The following SH3PXD2A variants were observed in gnomAD, a reference collection of about 807,000 sequenced individuals.
SH3PXD2A encodes the protein SH3 and PX domains 2A, also known as SH3 and PX domain-containing protein 2A.
Under a neutral mutation model 115.2 loss-of-function variants are expected in SH3PXD2A, and 32 were observed. That is an observed-to-expected ratio of 0.28 (90% CI 0.21 to 0.37). The LOEUF (loss-of-function observed/expected upper bound fraction) is 0.37. Ranked by LOEUF, SH3PXD2A falls within the 10% of genes least tolerant of loss-of-function variation. The pLI is 1.00. For synonymous variants in SH3PXD2A, 610 were observed against 629.1 expected (o/e 0.97, Z 0.45); for missense variants, 1,328 against 1,498.7 (o/e 0.89, Z 1.88).
At chr10:103,792,049 G>A (rs1448677410) in intron 2 of SH3PXD2A, among the ~76,000 whole-genome samples, 1 of 152,108 alleles carries the variant, frequency 6.6e-6, no homozygotes, top group Non-Finnish European at 1.5e-5. Flanking sequence ...AAGTTGAAAG[G>A]GGCGCTGGAG....
chr10:103,660,694 AC>A (rs2037282385), intron 8 of SH3PXD2A, among the ~76,000 whole-genome samples: 2 of 152,220 alleles, frequency 1.3e-5, no homozygotes, highest in African/African-American at 4.8e-5. Context: ...CTCCGAGGGC[AC>A]GGGGACCCCA....
intron 5 of SH3PXD2A, among the ~76,000 whole-genome samples, chr10:103,719,359 T>C (rs2038149657): frequency 6.6e-6 from 1 of 152,202 alleles, no homozygotes; most frequent in African/African-American, 2.4e-5. Context: ...CTGGCTTGGA[T>C]CTTGGCCCTG....
chr10:103,701,962 TACCATCCATCC>T (rs1027484287), intron 5 of SH3PXD2A, among the ~76,000 whole-genome samples: 2 of 141,550 alleles, frequency 1.4e-5, no homozygotes, highest in African/African-American at 5.3e-5. Flanking sequence ...ATCATCTATC[TACCATCCATCC>T]AACATCCATC....
At chr10:103,822,423 C>A (rs1447007368) in intron 1 of SH3PXD2A, among the ~76,000 whole-genome samples, 1 of 152,260 alleles carries the variant, frequency 6.6e-6, no homozygotes, top group African/African-American at 2.4e-5. Flanking sequence ...CACAGCTGCA[C>A]ACATACACAG....
chr10:103,633,729 A>C (rs1422831857), intron 8 of SH3PXD2A, among the ~76,000 whole-genome samples: 2 of 69,246 alleles, frequency 2.9e-5, no homozygotes, highest in South Asian at 5.7e-4. Context: ...TTCTGTCTCA[A>C]AAAAAAAAAA....
Position 103,787,406 on chromosome 10 carries a change from T to C in SH3PXD2A, c.153+13876A>G, listed in dbSNP as rs929963968. On this transcript the variant is annotated intron_variant, in intron 2 of 14. Coordinates refer to ENST00000369774, the MANE Select transcript of SH3PXD2A (RefSeq NM_001394015.1). ...CCCATTTTGGAGTCCTCCTACACAGTTTTCTTAAAACATTGGCACTTTGCC... is the reference window on the plus strand; with the variant it reads ...CCCATTTTGGAGTCCTCCTACACAGCTTTCTTAAAACATTGGCACTTTGCC... Among the ~76,000 whole-genome samples, 19 of 152,308 alleles carry C rather than the reference T, an allele frequency of 1.2e-4. No homozygotes were observed. The South Asian group carries it at 3.7e-3, about 30-fold the overall frequency.
chr10:103,846,025 G>C (rs529363697), intron 1 of SH3PXD2A, among the ~76,000 whole-genome samples: 1 of 152,218 alleles, frequency 6.6e-6, no homozygotes, highest in South Asian at 2.1e-4. Flanking sequence ...GTTTCCAACA[G>C]GTCTAAAGTT....
intron 8 of SH3PXD2A, among the ~76,000 whole-genome samples, chr10:103,628,423 T>C (rs1443159104): frequency 1.3e-5 from 2 of 151,586 alleles, no homozygotes; most frequent in Non-Finnish European, 2.9e-5. Flanking sequence ...GGACCAGGAG[T>C]CTGGACTCTT....
At chr10:103,813,351 C>G (rs2039291294) in intron 1 of SH3PXD2A, among the ~76,000 whole-genome samples, 1 of 152,232 alleles carries the variant, frequency 6.6e-6, no homozygotes, top group South Asian at 2.1e-4. Flanking sequence ...GAGTCTCGCT[C>G]TCTTGCCCAG....
chr10:103,710,547 C>T (rs1190511757), intron 5 of SH3PXD2A, among the ~76,000 whole-genome samples: 1 of 152,176 alleles, frequency 6.6e-6, no homozygotes, highest in Non-Finnish European at 1.5e-5. Context: ...GACAGTCATC[C>T]TCTCCATTTA....
intron 7 of SH3PXD2A, among the ~76,000 whole-genome samples, 168 bp downstream of exon 7, chr10:103,668,440 T>A (rs2037412614): frequency 6.6e-6 from 1 of 152,226 alleles, no homozygotes; most frequent in Non-Finnish European, 1.5e-5. Context: ...CATGTTCAGA[T>A]CTGACTGGGG....
At chr10:103,832,370 G>GAAAAAAAAA (rs58886791) in intron 1 of SH3PXD2A, among the ~76,000 whole-genome samples, 1 of 128,034 alleles carries the variant, frequency 7.8e-6, no homozygotes. Context: ...AACCTAAAAA[G>GAAAAAAAAA]AAAAAAAAAA....
intron 1 of SH3PXD2A, among the ~76,000 whole-genome samples, chr10:103,833,540 G>A (rs542553408): frequency 2.0e-5 from 3 of 152,220 alleles, no homozygotes; most frequent in Non-Finnish European, 2.9e-5. Flanking sequence ...TGGCGAAAAA[G>A]TTAGAGACAG....
intron 1 of SH3PXD2A, among the ~76,000 whole-genome samples, chr10:103,827,300 C>T (rs1477798544): frequency 1.3e-5 from 2 of 152,194 alleles, no homozygotes; most frequent in Non-Finnish European, 2.9e-5. Flanking sequence ...TCCTTTCCCT[C>T]AGCCTGGAAT....
In SH3PXD2A at chr10:103,605,784, G is replaced by A. The variant is rs1474579678; in HGVS notation, c.1428+14C>T. On this transcript the variant is annotated intron_variant, in intron 14 of 14. Transcript: ENST00000369774. Reference sequence around the variant, plus strand: ...AATGAGTTAAAACCCTCGGCCTCATGGCCCAAGGCTTACCTCTGCCTTCTG... The same window carrying A: ...AATGAGTTAAAACCCTCGGCCTCATAGCCCAAGGCTTACCTCTGCCTTCTG... 1.9e-6 allele frequency: 3 copies of A among 1,614,086 alleles called. 1 individual carries two copies. In the South Asian group the frequency reaches 3.3e-5, roughly 18 times the overall value.
At chr10:103,607,537 A>G (rs1191343775) in intron 13 of SH3PXD2A, among the ~76,000 whole-genome samples, 3 of 149,344 alleles carry the variant, frequency 2.0e-5, no homozygotes, top group Non-Finnish European at 4.5e-5. Flanking sequence ...TGGGGGGGTC[A>G]GCCCCCTGCC....
intron 5 of SH3PXD2A, among the ~76,000 whole-genome samples, chr10:103,706,046 C>T (rs1354562858): frequency 1.3e-5 from 2 of 151,942 alleles, no homozygotes; most frequent in Admixed American, 1.3e-4. Flanking sequence ...CAAATGACAT[C>T]ACTGAGTTCT....
chr10:103,733,840 T>C (rs2038351043), intron 4 of SH3PXD2A, among the ~76,000 whole-genome samples: 1 of 152,198 alleles, frequency 6.6e-6, no homozygotes, highest in Admixed American at 6.5e-5. Flanking sequence ...GGCGTGATCA[T>C]AGCTCACTGT....
intron 8 of SH3PXD2A, among the ~76,000 whole-genome samples, chr10:103,629,343 T>G (rs2133961916): frequency 6.6e-6 from 1 of 152,362 alleles, no homozygotes; most frequent in South Asian, 2.1e-4. Context: ...GACACACCAC[T>G]AAAATTTATC....
Sources: gnomAD v4.1 joint callset for allele counts (sites outside exome capture counted in the v4.1 genomes callset) on GRCh38, gnomAD v4.1.1 for gene constraint, MANE v1.5 for transcripts, NCBI Gene and HGNC (gene_info 2026-07-23, HGNC 2026-07-21) for gene names.